PGGT1B: variants seen among roughly 807,000 people sequenced by gnomAD.
PGGT1B encodes geranylgeranyl transferase type-1 subunit beta.
Under a neutral mutation model 46.1 loss-of-function variants are expected in PGGT1B, and 30 were observed. The ratio of observed to expected loss-of-function variants is 0.65; its 90% confidence interval spans 0.49 to 0.88. PGGT1B has a LOEUF of 0.88. PGGT1B is among the 40% of genes least tolerant of loss of function. The pLI, the probability that PGGT1B is intolerant of heterozygous loss-of-function variation, is 0.00. For synonymous variants in PGGT1B, 170 were observed against 160.0 expected (o/e 1.06, Z -0.47); for missense variants, 376 against 455.9 (o/e 0.82, Z 1.60).
At chr5:115,251,486 A>C (rs979429169) in intron 2 of PGGT1B, among the ~76,000 whole-genome samples, 1 of 152,116 alleles carries the variant, frequency 6.6e-6, no homozygotes, top group African/African-American at 2.4e-5. Flanking sequence ...AGACCAAAAA[A>C]TTGCTCAATT....
intron 3 of PGGT1B, 85 bp from the exon 4 acceptor site, chr5:115,238,094 A>G (rs1757239168): frequency 1.1e-6 from 1 of 946,856 alleles, no homozygotes; most frequent in Non-Finnish European, 1.6e-6. Context: ...GGTTTTAGTA[A>G]ATAGTAAAAT....
chr5:115,228,959 T>C (rs1048136699), intron 6 of PGGT1B, among the ~76,000 whole-genome samples: 1 of 151,976 alleles, frequency 6.6e-6, no homozygotes, highest in Non-Finnish European at 1.5e-5. Context: ...TGAAGAAAGG[T>C]GAATAGTACA....
In PGGT1B at chr5:115,210,029, G is replaced by A. The variant is rs1244665391; in HGVS notation, c.*2373C>T. 9.9e-5 allele frequency: 15 copies of A among 151,962 alleles called. No homozygotes were observed. Among genetic ancestry groups the A allele is most frequent in the African/African-American group, 3.1e-4 (13 of 41,370 alleles). The allele number at this position is 151,962 out of a possible 1,614,324, so 9.4% of individuals were successfully genotyped here. A position where few individuals can be genotyped will look rare whatever the true frequency, so the allele number is the denominator to read the frequency against. On this transcript the variant is annotated 3_prime_UTR_variant, in exon 9 of 9. Coordinates refer to ENST00000419445, the MANE Select transcript of PGGT1B (RefSeq NM_005023.4). The stretch of plus-strand genomic sequence containing the variant: ...ACCACTGTCAGCAAGATTTCTATAT[G>A]AATTTAGATTAAATATAAATAACTA...
intron 5 of PGGT1B, among the ~76,000 whole-genome samples, chr5:115,234,542 A>C (rs891009983): frequency 6.6e-6 from 1 of 152,080 alleles, no homozygotes; most frequent in African/African-American, 2.4e-5. Flanking sequence ...GTGAAGGAAA[A>C]GCCTAAAATG....
chr5:115,227,141 G>A (rs139630710), intron 6 of PGGT1B, among the ~76,000 whole-genome samples: 1 of 152,284 alleles, frequency 6.6e-6, no homozygotes, highest in Non-Finnish European at 1.5e-5. Context: ...GGACTTAATT[G>A]TAGGCAGGAT....
Position 115,226,661 on chromosome 5 carries a change from A to G in PGGT1B, c.658+4315T>C, listed in dbSNP as rs192802839. 3.9e-5 allele frequency among the ~76,000 whole-genome samples: 6 copies of G among 152,236 alleles called. No individual in the cohort carries two copies. In the East Asian group the frequency reaches 1.2e-3, roughly 29 times the overall value. On this transcript the variant is annotated intron_variant, in intron 6 of 8. Transcript: ENST00000419445. ...ATTCAACTTTCCAAGCAAGAGATGC[A>G]AAGTGGAATACAGGATAACTAATTC...
In PGGT1B at chr5:115,221,595, C is replaced by G. The variant is rs529361969; in HGVS notation, c.843+229G>C. Among the ~76,000 whole-genome samples the G allele has an allele frequency of 5.3e-5, 8 of 152,004 alleles. No individual in the cohort carries two copies. The East Asian group carries it at 1.4e-3, about 26-fold the overall frequency. ...TAAGGTTTTAAGTAGGCATAAAACT[C>G]AAGTTCTGGGTTACTTGAGTTTTCC... On this transcript the variant is annotated intron_variant, in intron 7 of 8. Coordinates refer to ENST00000419445, the MANE Select transcript of PGGT1B (RefSeq NM_005023.4).
chr5:115,248,166 T>G (rs181536233), intron 2 of PGGT1B, among the ~76,000 whole-genome samples: 31 of 152,292 alleles, frequency 2.0e-4, no homozygotes, highest in Middle Eastern at 3.4e-3. Flanking sequence ...ATTTATGGGA[T>G]CTATTAAGGA....
At chr5:115,260,448 A>G (rs1371727779) in intron 1 of PGGT1B, among the ~76,000 whole-genome samples, 1 of 152,110 alleles carries the variant, frequency 6.6e-6, no homozygotes, top group African/African-American at 2.4e-5. Context: ...GGCTTGCCCA[A>G]TGTACTGTTT....
At position 115,236,523 on chromosome 5, in the gene PGGT1B, C is replaced by G. The variant is rs763964787; in HGVS notation, c.480-1G>C. On this transcript the variant is annotated splice_acceptor_variant, in intron 4 of 8. Coordinates refer to ENST00000419445, the MANE Select transcript of PGGT1B (RefSeq NM_005023.4). LOFTEE classifies it high-confidence loss of function. Reference sequence around the variant, plus strand: ...ACTGCCTTCAGGTACTGCACAAAAACTGAAAATAATAACAACAATATGATT... The same window carrying G: ...ACTGCCTTCAGGTACTGCACAAAAAGTGAAAATAATAACAACAATATGATT... 2 of 1,522,392 alleles carry G rather than the reference C, an allele frequency of 1.3e-6. No homozygotes were observed. Among genetic ancestry groups the G allele is most frequent in the South Asian group, 1.3e-5 (1 of 74,212 alleles). 94.3% of individuals were successfully genotyped at this position (1,522,392 alleles called of 1,614,324 possible). A position where few individuals can be genotyped will look rare whatever the true frequency, so the allele number is the denominator to read the frequency against.
At chr5:115,246,091 C>A (rs1747821365) in intron 2 of PGGT1B, among the ~76,000 whole-genome samples, 1 of 152,116 alleles carries the variant, frequency 6.6e-6, no homozygotes, top group Non-Finnish European at 1.5e-5. Context: ...GTGGCTCAAG[C>A]CTGTCATCCT....
rs1487092836 is a variant in PGGT1B, at chr5:115,223,171, A to G, written c.659-1163T>C. On this transcript the variant is annotated intron_variant, in intron 6 of 8. Transcript: ENST00000419445. ...AATGGTGGGGGATGGGGGCGGTAGG[A>G]AAGAGGGAAACCAAATATGAAAGCA... 3.9e-5 allele frequency among the ~76,000 whole-genome samples: 6 copies of G among 152,246 alleles called. No homozygotes were observed. The East Asian group carries it at 9.6e-4, about 24-fold the overall frequency.
intron 2 of PGGT1B, among the ~76,000 whole-genome samples, chr5:115,248,091 A>G (rs1190207812): frequency 1.3e-5 from 2 of 152,232 alleles, no homozygotes; most frequent in Non-Finnish European, 2.9e-5. Flanking sequence ...AAATGAAAGC[A>G]TTAAACATTT....
chr5:115,214,260 A>G (rs1055976561), intron 8 of PGGT1B, among the ~76,000 whole-genome samples: 1 of 152,138 alleles, frequency 6.6e-6, no homozygotes, highest in African/African-American at 2.4e-5. Context: ...GTAACAGCCA[A>G]TGAGATCAGA....
intron 2 of PGGT1B, among the ~76,000 whole-genome samples, chr5:115,244,997 T>TC (rs755410807): frequency 3.3e-5 from 5 of 152,204 alleles, no homozygotes; most frequent in Non-Finnish European, 5.9e-5. Flanking sequence ...TCTTTTTTTT[T>TC]CTCTTTTTGT....
chr5:115,244,275 C>G (rs1425242913), intron 2 of PGGT1B, among the ~76,000 whole-genome samples: 1 of 151,512 alleles, frequency 6.6e-6, no homozygotes, highest in East Asian at 2.0e-4. Context: ...ACCATCCTGG[C>G]TAACACAGTG....
chr5:115,241,480 T>C, intron 3 of PGGT1B, 59 bp downstream of exon 3: 3 of 1,076,026 alleles, frequency 2.8e-6, no homozygotes, highest in Non-Finnish European at 4.0e-6. Flanking sequence ...CTTAGTTTTC[T>C]CTTTTATTAA....
intron 2 of PGGT1B, among the ~76,000 whole-genome samples, chr5:115,249,884 T>G (rs34075665): frequency 6.9e-3 from 1,051 of 152,258 alleles, no homozygotes; most frequent in Non-Finnish European, 0.011. Context: ...TGATGAACAT[T>G]TATTTTGTAA....
intron 5 of PGGT1B, among the ~76,000 whole-genome samples, chr5:115,235,445 A>T (rs2127009357): frequency 6.6e-6 from 1 of 152,190 alleles, no homozygotes; most frequent in Admixed American, 6.5e-5. Flanking sequence ...CAGGTATCTC[A>T]CCACAAGATA....
Sources: allele counts gnomAD v4.1 joint callset (sites outside exome capture counted in the v4.1 genomes callset), GRCh38; gene constraint gnomAD v4.1.1; transcripts MANE v1.5; gene names NCBI Gene and HGNC (gene_info 2026-07-23, HGNC 2026-07-21).